TM2D3: variants seen among roughly 807,000 people sequenced by gnomAD.
TM2D3 encodes TM2 domain-containing protein 3.
Under a neutral mutation model 27.3 loss-of-function variants are expected in TM2D3, and 33 were observed. The ratio of observed to expected loss-of-function variants is 1.21; its 90% CI spans 0.92 to 1.61. The LOEUF (loss-of-function observed/expected upper bound fraction) is 1.61, where lower values mean the gene tolerates loss of function less well. Ranked by LOEUF, TM2D3 falls within the 40% of genes most tolerant of loss-of-function variation. The probability of loss-of-function intolerance (pLI) is 0.00; values close to 1 mark genes in which losing one functional copy is unlikely to be tolerated. For missense variants in TM2D3, 364 were observed against 320.8 expected (o/e 1.13, Z -1.03); for synonymous variants, 138 against 122.2 (o/e 1.13, Z -0.85).
At chr15:101,637,517 G>A (rs1186113088), downstream of TM2D3, among the ~76,000 whole-genome samples, 1 of 152,318 alleles carries the variant, frequency 6.6e-6, no homozygotes, top group Non-Finnish European at 1.5e-5. Flanking sequence ...TTATGCCAGA[G>A]TCAGGTTGGA....
At chr15:101,641,592 G>C (rs1279957124), downstream of TM2D3, among the ~76,000 whole-genome samples, 6 of 152,136 alleles carry the variant, frequency 3.9e-5, no homozygotes, top group Non-Finnish European at 8.8e-5. Flanking sequence ...AAAATGCTAA[G>C]TTTTTAAATG....
intron 4 of TM2D3, chr15:101,634,753 A>G (rs1363359642): frequency 1.3e-5 from 2 of 152,266 alleles, no homozygotes; most frequent in African/African-American, 2.4e-5. Context: ...CTCTTACCAC[A>G]GTGAAAACCA....
intron 4 of TM2D3, 151 bp downstream of exon 4, chr15:101,646,574 T>C (rs531508848): frequency 2.6e-4 from 197 of 749,644 alleles, no homozygotes; most frequent in Non-Finnish European, 4.2e-4. Context: ...CTTTAGTACG[T>C]TGAGTTTATT....
chr15:101,636,098 T>C (rs1285218853), intron 4 of TM2D3: 1 of 152,246 alleles, frequency 6.6e-6, no homozygotes, highest in East Asian at 1.9e-4. Flanking sequence ...TATCAGTACT[T>C]CATTCCTTTA....
chr15:101,642,513 T>G lies in TM2D3; in HGVS notation c.710A>C (p.Tyr237Ser), dbSNP rs141433481. 1.2e-6 allele frequency: 2 copies of G among 1,613,378 alleles called. No individual in the cohort carries two copies. Among genetic ancestry groups the G allele is most frequent in the East Asian group, 2.2e-5 (1 of 44,830 alleles). ...LIDVLLIGVG[Y>S]VGPADGSLYI is the part of the protein sequence containing the mutation. ...CAAAGAGCCATCTGCTGGTCCAACA[T>G]AGCCAACTCCAATGAGCAGGACGTC... The change falls in exon 6 of 6, where the codon TAT (tyrosine) becomes TCT (serine). Residue 237 changes from tyrosine (Y) to serine (S), a missense_variant. Transcript: ENST00000333202.
downstream of TM2D3, among the ~76,000 whole-genome samples, chr15:101,637,833 T>C (rs1025295033): frequency 6.6e-6 from 1 of 152,184 alleles, no homozygotes; most frequent in Non-Finnish European, 1.5e-5. Flanking sequence ...TGGTGAGTCA[T>C]TTCATTTTGT....
intron 2 of TM2D3, 130 bp from the exon 3 acceptor site, chr15:101,650,291 T>C (rs1896935760): frequency 1.1e-6 from 1 of 926,574 alleles, no homozygotes; most frequent in Non-Finnish European, 1.6e-6. Flanking sequence ...AGCATGGGAC[T>C]GGAGTCAGAG....
intron 5 of TM2D3, among the ~76,000 whole-genome samples, chr15:101,643,218 C>T (rs1230617945): frequency 6.6e-6 from 1 of 152,116 alleles, no homozygotes; most frequent in Non-Finnish European, 1.5e-5. Context: ...CAACACTTGG[C>T]CAGCTGTGTT....
chr15:101,642,587 GC>G lies in TM2D3; in HGVS notation c.635del (p.Gly212AlafsTer16), dbSNP rs1896697011. On this transcript the variant is annotated frameshift_variant, in exon 6 of 6. Transcript: ENST00000333202. LOFTEE classifies it high-confidence loss of function. ...DRFYLGQWRE[G>X]LGKLFSFGGL... is the part of the protein sequence containing the mutation. ...CACCGAAGCTGAAGAGCTTGCCGAG[GC>G]CTTCCCGCCACTGGCCCAGGTAGAA... 6.2e-7 allele frequency: 1 copy of G among 1,607,436 alleles called. No individual in the cohort carries two copies. The highest frequency in any genetic ancestry group is 8.5e-7 in the Non-Finnish European group (1 of 1,177,632).
chr15:101,642,187 A>G lies in TM2D3; in HGVS notation c.*292T>C. On this transcript the variant is annotated 3_prime_UTR_variant, in exon 6 of 6. Coordinates refer to ENST00000333202, the MANE Select transcript of TM2D3 (RefSeq NM_078474.3). ...ACAAGTGATGTAGTTTGACTTGGGC[A>G]ATACAAAACAAAAGTCATAGGAATT... 9.4e-7 allele frequency: 1 copy of G among 1,061,206 alleles called. No individual in the cohort carries two copies. The highest frequency in any genetic ancestry group is 1.1e-6 in the Non-Finnish European group (1 of 879,542). The allele number at this position is 1,061,206 out of a possible 1,614,324, so 65.7% of individuals were successfully genotyped here. A position where few individuals can be genotyped will look rare whatever the true frequency, so the allele number is the denominator to read the frequency against.
At chr15:101,639,102 C>A (rs1304343845), downstream of TM2D3, among the ~76,000 whole-genome samples, 1 of 152,154 alleles carries the variant, frequency 6.6e-6, no homozygotes, top group Admixed American at 6.5e-5. Flanking sequence ...AATTTCAATA[C>A]ATTTAAAAGA....
At chr15:101,644,537 G>A (rs768810383) in intron 5 of TM2D3, among the ~76,000 whole-genome samples, 1 of 152,204 alleles carries the variant, frequency 6.6e-6, no homozygotes, top group African/African-American at 2.4e-5. Context: ...AGTGTAGGCA[G>A]CGTAACCTTT....
Position 101,646,616 on chromosome 15 carries a change from A to G in TM2D3, c.502+109T>C, listed in dbSNP as rs549920623. The G allele has an allele frequency of 2.3e-4, 278 of 1,195,632 alleles. 1 individual carries two copies. The highest frequency in any genetic ancestry group is 3.3e-4 in the Non-Finnish European group (272 of 818,682). The allele number at this position is 1,195,632 out of a possible 1,614,324, so 74.1% of individuals were successfully genotyped here. ...GCTTGGCACATCTAAAGAGCTGCTG[A>G]TAAATGTTTCTAATTAAGTAACTTG... On this transcript the variant is annotated intron_variant, in intron 4 of 5. Transcript: ENST00000333202.
downstream of TM2D3, among the ~76,000 whole-genome samples, chr15:101,637,773 C>T (rs1006817141): frequency 3.3e-5 from 5 of 152,118 alleles, no homozygotes; most frequent in African/African-American, 1.2e-4. Flanking sequence ...GGCGTAACTA[C>T]GTTGCGCAGG....
chr15:101,650,178 A>G lies in TM2D3; in HGVS notation c.170-17T>C. 1 of 1,610,210 alleles carries G rather than the reference A, an allele frequency of 6.2e-7. No homozygotes were observed. The highest frequency in any genetic ancestry group is 1.1e-5 in the South Asian group (1 of 90,712). On this transcript the variant is annotated splice_polypyrimidine_tract_variant and intron_variant, in intron 2 of 5. Transcript: ENST00000333202. The stretch of plus-strand genomic sequence containing the variant: ...CAGTACTTTCTGTGAGAGGCAAGAG[A>G]GAAGCTTATTCTCCTATAATACTGA...
At chr15:101,633,779 G>A (rs1596256952) in intron 4 of TM2D3, 2 of 1,451,530 alleles carry the variant, frequency 1.4e-6, no homozygotes, top group East Asian at 5.0e-5. Context: ...TAGTTCTTAT[G>A]ACATAATATC....
At chr15:101,651,640 A>T (rs1254939958) in intron 2 of TM2D3, 56 bp downstream of exon 2, 2 of 1,509,952 alleles carry the variant, frequency 1.3e-6, no homozygotes, top group Non-Finnish European at 1.8e-6. Flanking sequence ...ATAAAAACAA[A>T]GAGAAACTAC....
chr15:101,650,242 G>A lies in TM2D3; in HGVS notation c.170-81C>T, dbSNP rs765377450. The A allele has an allele frequency of 7.2e-4, 1,010 of 1,402,680 alleles. 1 individual carries two copies. The highest frequency in any genetic ancestry group is 8.5e-4 in the Non-Finnish European group (869 of 1,024,844). 86.9% of individuals were successfully genotyped at this position (1,402,680 alleles called of 1,614,324 possible). A position where few individuals can be genotyped will look rare whatever the true frequency, so the allele number is the denominator to read the frequency against. On this transcript the variant is annotated intron_variant, in intron 2 of 5. Coordinates refer to ENST00000333202, the MANE Select transcript of TM2D3 (RefSeq NM_078474.3). ...GAACAATCTTCTAAGGTTAAGAGAC[G>A]TGATCATTAGCAAGTAGACACTGCA...
exon 5 of TM2D3, chr15:101,633,497 C>T (rs1322713888): frequency 4.1e-6 from 2 of 490,306 alleles, no homozygotes; most frequent in Non-Finnish European, 7.3e-6. Context: ...CCCTCAGATC[C>T]CGAAGGACAC....
Sources: allele counts gnomAD v4.1 joint callset (sites outside exome capture counted in the v4.1 genomes callset), GRCh38; gene constraint gnomAD v4.1.1; transcripts MANE v1.5; gene names NCBI Gene and HGNC (gene_info 2026-07-23, HGNC 2026-07-21).